Variants in ADCY2 observed in about 807,000 individuals in gnomAD.
ADCY2 encodes the protein adenylate cyclase 2.
In ADCY2, 31 loss-of-function variants were observed where a neutral mutation model predicts 125.2. The observed-to-expected ratio is 0.25, with a 90% confidence interval of 0.19 to 0.33. The LOEUF (loss-of-function observed/expected upper bound fraction) is 0.33, where lower values mean the gene tolerates loss of function less well. Among genes scored for constraint, ADCY2 ranks in the 10% least tolerant of loss-of-function variants. ADCY2 has a pLI of 1.00. For missense variants in ADCY2, 904 were observed against 1,418.2 expected (o/e 0.64, Z 5.82); for synonymous variants, 512 against 548.4 (o/e 0.93, Z 0.93).
chr5:7,518,889 C>T (rs78334867), intron 2 of ADCY2, among the ~76,000 whole-genome samples: 3,934 of 152,252 alleles, frequency 0.026, 164 homozygotes, highest in African/African-American at 0.089. Context: ...GGCCCTGAGG[C>T]CCCTGAGAGC....
chr5:7,689,727 AAG>A (rs1740646199), intron 4 of ADCY2, among the ~76,000 whole-genome samples: 1 of 152,168 alleles, frequency 6.6e-6, no homozygotes, highest in Non-Finnish European at 1.5e-5. Flanking sequence ...AAAAAAGAAA[AAG>A]AGAAAGACAG....
intron 13 of ADCY2, 83 bp from the exon 14 acceptor site, chr5:7,727,081 C>G: frequency 1.0e-6 from 1 of 1,004,080 alleles, no homozygotes; most frequent in Non-Finnish European, 1.5e-6. Context: ...GGTGCATGCT[C>G]TGGGTACAAC....
intron 3 of ADCY2, among the ~76,000 whole-genome samples, chr5:7,613,854 G>C (rs1412576922): frequency 6.6e-6 from 1 of 152,154 alleles, no homozygotes; most frequent in African/African-American, 2.4e-5. Flanking sequence ...ACTCAGGATA[G>C]CCCAAGGATT....
intron 10 of ADCY2, among the ~76,000 whole-genome samples, chr5:7,712,150 C>T (rs1741461066): frequency 6.6e-6 from 1 of 152,158 alleles, no homozygotes; most frequent in South Asian, 2.1e-4. Context: ...CTTAATATAA[C>T]CTTGGAAATG....
intron 2 of ADCY2, among the ~76,000 whole-genome samples, chr5:7,444,004 A>G (rs547819705): frequency 2.0e-5 from 3 of 152,166 alleles, no homozygotes; most frequent in African/African-American, 7.2e-5. Flanking sequence ...CTATCTATAT[A>G]TAATCTCAGA....
At chr5:7,426,586 G>A (rs561120132) in intron 2 of ADCY2, among the ~76,000 whole-genome samples, 1 of 152,252 alleles carries the variant, frequency 6.6e-6, no homozygotes, top group East Asian at 1.9e-4. Flanking sequence ...GTTGCACTGG[G>A]GATTAAGTTT....
chr5:7,818,688 G>C (rs182350607), intron 23 of ADCY2, among the ~76,000 whole-genome samples: 261 of 152,178 alleles, frequency 1.7e-3, no homozygotes, highest in Non-Finnish European at 2.9e-3. Context: ...TACTTTCTCA[G>C]TTCTGTGCAT....
intron 2 of ADCY2, among the ~76,000 whole-genome samples, chr5:7,436,420 T>C (rs954110648): frequency 6.6e-6 from 1 of 152,204 alleles, no homozygotes; most frequent in South Asian, 2.1e-4. Context: ...CCTTCATATC[T>C]GATGTAGTGA....
chr5:7,547,154 C>A (rs1467973300), intron 3 of ADCY2, among the ~76,000 whole-genome samples: 2 of 152,184 alleles, frequency 1.3e-5, no homozygotes, highest in Non-Finnish European at 2.9e-5. Context: ...GGGTGTCACA[C>A]CACAAGTGGG....
chr5:7,647,924 T>C (rs567922937), intron 4 of ADCY2, among the ~76,000 whole-genome samples: 2 of 152,286 alleles, frequency 1.3e-5, no homozygotes, highest in Non-Finnish European at 2.9e-5. Flanking sequence ...GCGGACCTTC[T>C]CCTTTTCTTC....
intron 16 of ADCY2, among the ~76,000 whole-genome samples, chr5:7,758,930 A>G (rs1743102823): frequency 1.3e-5 from 2 of 152,200 alleles, no homozygotes; most frequent in South Asian, 4.1e-4. Flanking sequence ...GAATGTTTAC[A>G]TGGGGTCAGT....
At chr5:7,409,866 A>G (rs1040275328) in intron 1 of ADCY2, among the ~76,000 whole-genome samples, 1 of 152,162 alleles carries the variant, frequency 6.6e-6, no homozygotes, top group Non-Finnish European at 1.5e-5. Context: ...TTAGTTTTAT[A>G]GATGTTTAAA....
intron 3 of ADCY2, among the ~76,000 whole-genome samples, chr5:7,610,554 G>T (rs538940871): frequency 9.2e-5 from 14 of 152,264 alleles, no homozygotes; most frequent in Admixed American, 3.9e-4. Context: ...AATAGAAAGA[G>T]CTTAAGTAGA....
At chr5:7,513,302 A>G (rs550273289) in intron 2 of ADCY2, among the ~76,000 whole-genome samples, 2 of 152,206 alleles carry the variant, frequency 1.3e-5, no homozygotes, top group Admixed American at 6.5e-5. Context: ...GGCTTTACAC[A>G]GTTGTGATAT....
Position 7,471,370 on chromosome 5 carries a change from T to TA in ADCY2, c.409-49361dup, listed in dbSNP as rs1212994000. Reference sequence around the variant, plus strand: ...TGTTTCTTGATTATTTTTAATGATTTAAAAAAATCTCCCATTTTGGCTTAT... The same window carrying TA: ...TGTTTCTTGATTATTTTTAATGATTTAAAAAAAATCTCCCATTTTGGCTTAT... On this transcript the variant is annotated intron_variant, in intron 2 of 24. Coordinates refer to ENST00000338316, the MANE Select transcript of ADCY2 (RefSeq NM_020546.3). Among the ~76,000 whole-genome samples the TA allele has an allele frequency of 2.0e-5, 3 of 150,672 alleles. No homozygotes were observed. In the South Asian group the frequency reaches 6.3e-4, roughly 31 times the overall value.
chr5:7,401,376 C>G (rs1739257934), intron 1 of ADCY2, among the ~76,000 whole-genome samples: 1 of 152,152 alleles, frequency 6.6e-6, no homozygotes, highest in Non-Finnish European at 1.5e-5. Context: ...CACAGGGTCA[C>G]AGGGCATTTG....
intron 15 of ADCY2, among the ~76,000 whole-genome samples, chr5:7,748,232 A>G (rs186479942): frequency 1.2e-4 from 18 of 152,218 alleles, no homozygotes; most frequent in Middle Eastern, 3.4e-3. Flanking sequence ...TCTATGTGTA[A>G]AGGAATGTGT....
At chr5:7,602,863 C>T (rs1737263377) in intron 3 of ADCY2, among the ~76,000 whole-genome samples, 1 of 152,060 alleles carries the variant, frequency 6.6e-6, no homozygotes, top group South Asian at 2.1e-4. Context: ...ATATTTGGCT[C>T]CAATAAACAG....
At chr5:7,634,026 C>T (rs2126666574) in intron 4 of ADCY2, among the ~76,000 whole-genome samples, 1 of 152,296 alleles carries the variant, frequency 6.6e-6, no homozygotes, top group East Asian at 1.9e-4. Context: ...TGATATTTGT[C>T]ACATATAGAA....
Sources: gnomAD v4.1 joint callset for allele counts (sites outside exome capture counted in the v4.1 genomes callset) on GRCh38, gnomAD v4.1.1 for gene constraint, MANE v1.5 for transcripts, NCBI Gene and HGNC (gene_info 2026-07-23, HGNC 2026-07-21) for gene names.